PLPP4: variants seen among roughly 807,000 people sequenced by gnomAD.
The protein encoded by PLPP4 is phospholipid phosphatase 4, also known as diacylglycerol pyrophosphate like 2.
Under a neutral mutation model 32.2 loss-of-function variants are expected in PLPP4, and 20 were observed. The ratio of observed to expected loss-of-function variants is 0.62; its 90% confidence interval spans 0.44 to 0.90. The LOEUF (loss-of-function observed/expected upper bound fraction) is 0.90. Ranked by LOEUF, PLPP4 falls within the 40% of genes least tolerant of loss-of-function variation. PLPP4 has a pLI of 0.00. For synonymous variants in PLPP4, 127 were observed against 133.0 expected (o/e 0.95, Z 0.31); for missense variants, 257 against 353.1 (o/e 0.73, Z 2.18).
intron 6 of PLPP4, among the ~76,000 whole-genome samples, chr10:120,583,140 G>A (rs1849597467): frequency 6.6e-6 from 1 of 151,894 alleles, no homozygotes; most frequent in South Asian, 2.1e-4. Flanking sequence ...AGTCAAGCTA[G>A]CTTAGTGATG....
chr10:120,501,730 A>G (rs1366933816), intron 1 of PLPP4, among the ~76,000 whole-genome samples: 1 of 151,720 alleles, frequency 6.6e-6, no homozygotes, highest in Non-Finnish European at 1.5e-5. Context: ...AATGCTGGGG[A>G]CTCCTGGCCC....
rs76156455 is a variant in PLPP4 at position 120,564,312 on chromosome 10, G to A, written c.446-10819G>A. 2.0e-5 allele frequency among the ~76,000 whole-genome samples: 3 copies of A among 151,880 alleles called. No homozygotes were observed. The East Asian group carries it at 5.8e-4, about 29-fold the overall frequency. ...CTTCAAAATAGTTTATAATTCAATTGCATTATGGTCAGATAGAGATCTATA... is the reference window on the plus strand; with the variant it reads ...CTTCAAAATAGTTTATAATTCAATTACATTATGGTCAGATAGAGATCTATA... On this transcript the variant is annotated intron_variant, in intron 5 of 6. Transcript: ENST00000398250.
chr10:120,488,515 G>A (rs1384544293), intron 1 of PLPP4, among the ~76,000 whole-genome samples: 1 of 152,216 alleles, frequency 6.6e-6, no homozygotes, highest in Non-Finnish European at 1.5e-5. Flanking sequence ...TACTGCAAGT[G>A]CATGAAAGAA....
intron 3 of PLPP4, among the ~76,000 whole-genome samples, chr10:120,515,447 G>A (rs1320287203): frequency 1.3e-5 from 2 of 152,102 alleles, no homozygotes; most frequent in African/African-American, 2.4e-5. Context: ...GTTCAACTTC[G>A]GTGCCCACCC....
At chr10:120,511,768 A>C (rs1845736227) in intron 2 of PLPP4, among the ~76,000 whole-genome samples, 2 of 152,332 alleles carry the variant, frequency 1.3e-5, no homozygotes, top group South Asian at 4.1e-4. Context: ...CTCAATCATC[A>C]GCATCAGTAC....
intron 5 of PLPP4, among the ~76,000 whole-genome samples, chr10:120,551,553 G>A (rs1007743461): frequency 6.6e-6 from 1 of 152,148 alleles, no homozygotes; most frequent in Non-Finnish European, 1.5e-5. Context: ...GATGAATCTA[G>A]AAAACATTAT....
chr10:120,584,540 A>C (rs576679229), intron 6 of PLPP4, among the ~76,000 whole-genome samples: 2 of 152,352 alleles, frequency 1.3e-5, no homozygotes, highest in Admixed American at 6.5e-5. Flanking sequence ...TTGTATTCCA[A>C]AGACACTGAG....
chr10:120,504,457 A>G (rs1459772634), intron 2 of PLPP4, among the ~76,000 whole-genome samples: 1 of 152,216 alleles, frequency 6.6e-6, no homozygotes, highest in African/African-American at 2.4e-5. Flanking sequence ...AACATTTCCA[A>G]ATAAGGAAGG....
chr10:120,510,907 G>A (rs923533378), intron 2 of PLPP4, among the ~76,000 whole-genome samples: 2 of 152,164 alleles, frequency 1.3e-5, no homozygotes, highest in African/African-American at 4.8e-5. Context: ...TTTAGGATGA[G>A]AGGAGGAAAC....
At chr10:120,571,754 G>C (rs1322846905) in intron 5 of PLPP4, among the ~76,000 whole-genome samples, 1 of 152,162 alleles carries the variant, frequency 6.6e-6, no homozygotes, top group Non-Finnish European at 1.5e-5. Context: ...TGGGTTGGTA[G>C]AGTCTCATTC....
intron 1 of PLPP4, among the ~76,000 whole-genome samples, chr10:120,487,959 C>A (rs1844538284): frequency 6.6e-6 from 1 of 152,156 alleles, no homozygotes; most frequent in Non-Finnish European, 1.5e-5. Context: ...ACCTGGAAAT[C>A]CAAGACAGGA....
At chr10:120,526,223 T>G (rs1302599948) in intron 5 of PLPP4, among the ~76,000 whole-genome samples, 1 of 152,182 alleles carries the variant, frequency 6.6e-6, no homozygotes, top group Non-Finnish European at 1.5e-5. Context: ...ATCCTTTTTT[T>G]GTCTTTTCAT....
intron 1 of PLPP4, among the ~76,000 whole-genome samples, chr10:120,463,120 T>C (rs904596200): frequency 6.8e-5 from 10 of 146,480 alleles, no homozygotes; most frequent in Non-Finnish European, 1.2e-4. Flanking sequence ...CTCCGCCTCC[T>C]GGGTTCATGC....
intron 1 of PLPP4, among the ~76,000 whole-genome samples, chr10:120,501,337 G>A (rs995671834): frequency 2.0e-5 from 3 of 151,656 alleles, no homozygotes. Flanking sequence ...TTGGGAGCAG[G>A]GAGTAGGTTG....
At chr10:120,538,263 C>T (rs1847157130) in intron 5 of PLPP4, among the ~76,000 whole-genome samples, 1 of 150,970 alleles carries the variant, frequency 6.6e-6, no homozygotes, top group Non-Finnish European at 1.5e-5. Flanking sequence ...CTTGGCATCT[C>T]CTTGGAAAAT....
At position 120,506,951 on chromosome 10, in the gene PLPP4, A is replaced by G. The variant is rs563757499; in HGVS notation, c.165+3025A>G. On this transcript the variant is annotated intron_variant, in intron 2 of 6. Coordinates refer to ENST00000398250, the MANE Select transcript of PLPP4 (RefSeq NM_001030059.3). Reference sequence around the variant, plus strand: ...CAGATGCACTCAAAAGTCTTGCTTAACATTTCTGGGATATGCCCAAGGCCT... The same window carrying G: ...CAGATGCACTCAAAAGTCTTGCTTAGCATTTCTGGGATATGCCCAAGGCCT... 2.6e-4 allele frequency among the ~76,000 whole-genome samples: 39 copies of G among 152,356 alleles called. No individual in the cohort carries two copies. The South Asian group carries it at 6.4e-3, about 25-fold the overall frequency.
chr10:120,588,006 G>A (rs73354152), intron 6 of PLPP4, among the ~76,000 whole-genome samples: 184 of 152,316 alleles, frequency 1.2e-3, no homozygotes, highest in Middle Eastern at 6.8e-3. Context: ...GAATGAACCC[G>A]CCAGGGTGTG....
At chr10:120,539,032 T>C (rs1480417101) in intron 5 of PLPP4, among the ~76,000 whole-genome samples, 1 of 152,198 alleles carries the variant, frequency 6.6e-6, no homozygotes, top group Non-Finnish European at 1.5e-5. Context: ...CTTTTGCACT[T>C]GCCCTTCTCC....
rs1589887379 is a variant in PLPP4, at chr10:120,563,101, T to C, written c.446-12030T>C. 3.9e-5 allele frequency among the ~76,000 whole-genome samples: 6 copies of C among 152,240 alleles called. 1 individual carries two copies. In the South Asian group the frequency reaches 1.2e-3, roughly 32 times the overall value. On this transcript the variant is annotated intron_variant, in intron 5 of 6. Coordinates refer to ENST00000398250, the MANE Select transcript of PLPP4 (RefSeq NM_001030059.3). ...TAAAAATACAAAAATTAGCCAGGCA[T>C]GTTGGCAGATACCTATAATCCCAGC...
Sources: allele counts gnomAD v4.1 joint callset (sites outside exome capture counted in the v4.1 genomes callset), GRCh38; gene constraint gnomAD v4.1.1; transcripts MANE v1.5; gene names NCBI Gene and HGNC (gene_info 2026-07-23, HGNC 2026-07-21).